The following FIBCD1 variants were observed in gnomAD, a reference collection of about 807,000 sequenced individuals.
The protein encoded by FIBCD1 is fibrinogen C domain containing 1.
In FIBCD1, 47 loss-of-function variants were observed where a neutral mutation model predicts 45.1. The ratio of observed to expected loss-of-function variants is 1.04; its 90% CI spans 0.82 to 1.33. The LOEUF (loss-of-function observed/expected upper bound fraction) is 1.33. Among genes scored for constraint, FIBCD1 ranks in the 40% most tolerant of loss-of-function variants. The pLI is 0.00. For missense variants in FIBCD1, 653 were observed against 682.2 expected (o/e 0.96, Z 0.48); for synonymous variants, 313 against 308.1 (o/e 1.02, Z -0.17).
chr9:130,910,316 G>A (rs1040300955), intron 5 of FIBCD1, among the ~76,000 whole-genome samples: 33 of 152,232 alleles, frequency 2.2e-4, no homozygotes, highest in Non-Finnish European at 4.0e-4. Context: ...CCAGCCCACC[G>A]GCGCTGCACT....
chr9:130,905,981 C>A (rs193279837), intron 5 of FIBCD1, among the ~76,000 whole-genome samples: 1 of 152,304 alleles, frequency 6.6e-6, no homozygotes, highest in East Asian at 1.9e-4. Flanking sequence ...TCAGTTTCCC[C>A]ACCAGTGCGG....
chr9:130,904,433 A>C, intron 6 of FIBCD1, 110 bp from the exon 7 acceptor site: 1 of 1,449,866 alleles, frequency 6.9e-7, no homozygotes, highest in South Asian at 1.3e-5. Context: ...ACGTGAGTGC[A>C]TACACGTACG....
intron 5 of FIBCD1, among the ~76,000 whole-genome samples, chr9:130,907,119 G>A (rs558354958): frequency 1.2e-3 from 180 of 152,252 alleles, no homozygotes; most frequent in South Asian, 3.5e-3. Context: ...GAGGGAGACC[G>A]GCCCCCCGGG....
At chr9:130,911,717 C>T in intron 5 of FIBCD1, 75 bp downstream of exon 5, 1 of 1,355,794 alleles carries the variant, frequency 7.4e-7, no homozygotes, top group Non-Finnish European at 1.0e-6. Flanking sequence ...ATTCAGGGAG[C>T]AGCTGGGACC....
chr9:130,904,092 T>A lies in FIBCD1; in HGVS notation c.1358A>T (p.Lys453Met). The A allele has an allele frequency of 3.1e-6, 5 of 1,613,076 alleles. No homozygotes were observed. The highest frequency in any genetic ancestry group is 4.2e-6 in the Non-Finnish European group (5 of 1,179,854). Residue 453 changes from lysine to methionine, a missense_variant, in exon 7 of 7, where the codon AAG becomes ATG. Physicochemically the swap from Lys to Met is moderately conservative, Grantham distance 95. Coordinates refer to ENST00000372338, the MANE Select transcript of FIBCD1 (RefSeq NM_032843.5). ...GCGGTCCTCCCGGACCGGCCGGATCTTCATCTCAGAGAACTTGAGTGAGTA... is the reference window on the plus strand; with the variant it reads ...GCGGTCCTCCCGGACCGGCCGGATCATCATCTCAGAGAACTTGAGTGAGTA... ...WQYSLKFSEM[K>M]IRPVREDR
chr9:130,905,167 A>C, intron 6 of FIBCD1, 67 bp downstream of exon 6: 1 of 1,465,314 alleles, frequency 6.8e-7, no homozygotes, highest in Admixed American at 2.0e-5. Context: ...GGAGGGCAGG[A>C]CCTCCTCCGT....
intron 1 of FIBCD1, among the ~76,000 whole-genome samples, chr9:130,930,966 TC>T (rs552561575): frequency 5.3e-5 from 8 of 152,194 alleles, no homozygotes; most frequent in Non-Finnish European, 8.8e-5. Context: ...AGCAGCCACA[TC>T]CCGTGTTCTG....
intron 5 of FIBCD1, among the ~76,000 whole-genome samples, chr9:130,906,641 C>T (rs914789076): frequency 6.6e-5 from 10 of 152,258 alleles, no homozygotes; most frequent in African/African-American, 2.4e-4. Context: ...GCCGCTCTCC[C>T]TCTCTGGGCC....
chr9:130,928,770 A>G (rs1832397832), intron 2 of FIBCD1, among the ~76,000 whole-genome samples: 1 of 152,112 alleles, frequency 6.6e-6, no homozygotes, highest in African/African-American at 2.4e-5. Flanking sequence ...GCAGGGCTCC[A>G]GCAGGGGCTG....
At chr9:130,915,013 G>A (rs761082054) in intron 4 of FIBCD1, among the ~76,000 whole-genome samples, 12 of 152,236 alleles carry the variant, frequency 7.9e-5, no homozygotes, top group Non-Finnish European at 1.3e-4. Context: ...AGCGGGGGCC[G>A]ACTACATCTT....
chr9:130,903,087 C>T lies in FIBCD1; in HGVS notation c.*977G>A, dbSNP rs1413689347. The T allele has an allele frequency of 1.3e-5, 2 of 152,330 alleles. No individual in the cohort carries two copies. The highest frequency in any genetic ancestry group is 2.9e-5 in the Non-Finnish European group (2 of 68,162). 9.4% of individuals were successfully genotyped at this position (152,330 alleles called of 1,614,324 possible). A position where few individuals can be genotyped will look rare whatever the true frequency, so the allele number is the denominator to read the frequency against. Reference sequence around the variant, plus strand: ...CACCTCAGGGAAGGGGTCATCACCCCCAAGGCCCTCCTGGGAGGCCTCAGG... The same window carrying T: ...CACCTCAGGGAAGGGGTCATCACCCTCAAGGCCCTCCTGGGAGGCCTCAGG... On this transcript the variant is annotated 3_prime_UTR_variant, in exon 7 of 7. Coordinates refer to ENST00000372338, the MANE Select transcript of FIBCD1 (RefSeq NM_032843.5).
intron 1 of FIBCD1, among the ~76,000 whole-genome samples, chr9:130,930,595 G>A (rs939201148): frequency 6.6e-6 from 1 of 152,042 alleles, no homozygotes; most frequent in Admixed American, 6.5e-5. Flanking sequence ...CCCATGCCCT[G>A]CACAGTGACA....
rs539519773 is a variant in FIBCD1 at position 130,903,702 on chromosome 9, G to T, written c.*362C>A. The T allele has an allele frequency of 2.5e-6, 1 of 402,492 alleles. No individual in the cohort carries two copies. The highest frequency in any genetic ancestry group is 5.6e-5 in the East Asian group (1 of 17,968). The allele number at this position is 402,492 out of a possible 1,614,324, so 24.9% of individuals were successfully genotyped here. A position where few individuals can be genotyped will look rare whatever the true frequency, so the allele number is the denominator to read the frequency against. ...CCCTGCTCTCTGTCCCCATAATGCCGGGTATTTGGCCGGGCAGGGCAGAGG... is the reference window on the plus strand; with the variant it reads ...CCCTGCTCTCTGTCCCCATAATGCCTGGTATTTGGCCGGGCAGGGCAGAGG... On this transcript the variant is annotated 3_prime_UTR_variant, in exon 7 of 7. Transcript: ENST00000372338.
At position 130,920,533 on chromosome 9, in the gene FIBCD1, C is replaced by T. The variant is rs559299746; in HGVS notation, c.849+3211G>A. 1.0e-3 allele frequency among the ~76,000 whole-genome samples: 152 copies of T among 152,226 alleles called. 1 individual carries two copies. Among genetic ancestry groups the T allele is most frequent in the African/African-American group, 3.0e-3 (125 of 41,530 alleles). The stretch of plus-strand genomic sequence containing the variant: ...CATCTGGCAAGCATTTAGAGAGTGC[C>T]GAGGGTGTGCAGGTGCGGTGCCCAC... On this transcript the variant is annotated intron_variant, in intron 4 of 6. Transcript: ENST00000372338.
In FIBCD1 at chr9:130,921,702, G is replaced by A. The variant is rs1430793841; in HGVS notation, c.849+2042C>T. Among the ~76,000 whole-genome samples the A allele has an allele frequency of 4.6e-5, 7 of 152,362 alleles. No individual in the cohort carries two copies. The East Asian group carries it at 1.4e-3, about 29-fold the overall frequency. On this transcript the variant is annotated intron_variant, in intron 4 of 6. Coordinates refer to ENST00000372338, the MANE Select transcript of FIBCD1 (RefSeq NM_032843.5). ...CTTTCATTAAGCCTGTCCTGACCCTGAACTCTGATTTCTGGGTTCGGCTGG... is the reference window on the plus strand; with the variant it reads ...CTTTCATTAAGCCTGTCCTGACCCTAAACTCTGATTTCTGGGTTCGGCTGG...
intron 4 of FIBCD1, among the ~76,000 whole-genome samples, chr9:130,919,752 C>T (rs1041925388): frequency 2.4e-4 from 36 of 152,186 alleles, no homozygotes; most frequent in Admixed American, 2.0e-3. Flanking sequence ...CACTTGGCAC[C>T]GTGGTGTTGG....
At chr9:130,911,381 G>A (rs1009398989) in intron 5 of FIBCD1, among the ~76,000 whole-genome samples, 7 of 152,320 alleles carry the variant, frequency 4.6e-5, no homozygotes, top group Admixed American at 4.6e-4. Flanking sequence ...GCCACTCTTG[G>A]GAGTTCCATG....
Position 130,904,286 on chromosome 9 carries a change from G to A in FIBCD1, c.1164C>T (p.Thr388=). The change falls in exon 7 of 7, where the codon ACC becomes ACT. Residue 388 remains threonine (T), a synonymous_variant. Transcript: ENST00000372338. ...SLLKHSGMRF[T]TKDRDSDHSE... ...AATGGTCGCTGTCACGGTCCTTGGT[G>A]GTGAACCTCATGCCGCTGTGCTTCA... 6.2e-7 allele frequency: 1 copy of A among 1,612,116 alleles called. No individual in the cohort carries two copies. The highest frequency in any genetic ancestry group is 1.1e-5 in the South Asian group (1 of 91,048).
At chr9:130,920,135 G>A (rs1832235386) in intron 4 of FIBCD1, among the ~76,000 whole-genome samples, 2 of 151,890 alleles carry the variant, frequency 1.3e-5, no homozygotes, top group Admixed American at 1.3e-4. Flanking sequence ...CTCCAAGAAG[G>A]GACGTGACCC....
Sources: gnomAD v4.1 joint callset for allele counts (sites outside exome capture counted in the v4.1 genomes callset) on GRCh38, gnomAD v4.1.1 for gene constraint, MANE v1.5 for transcripts, NCBI Gene and HGNC (gene_info 2026-07-23, HGNC 2026-07-21) for gene names.